RHOT1: variants seen among roughly 807,000 people sequenced by gnomAD.
The protein encoded by RHOT1 is mitochondrial Rho GTPase 1.
A neutral mutation model predicts 95.3 loss-of-function variants in RHOT1; 27 were observed. The observed-to-expected ratio is 0.28, with a 90% CI of 0.21 to 0.39. RHOT1 has a LOEUF of 0.39. Among genes scored for constraint, RHOT1 ranks in the 10% least tolerant of loss-of-function variants. The pLI is 1.00. For missense variants in RHOT1, 578 were observed against 786.7 expected (o/e 0.73, Z 3.17); for synonymous variants, 227 against 263.5 (o/e 0.86, Z 1.34).
chr17:32,144,699 A>G (rs1177250050), intron 1 of RHOT1, among the ~76,000 whole-genome samples: 5 of 150,878 alleles, frequency 3.3e-5, no homozygotes, highest in Admixed American at 6.6e-5. Flanking sequence ...AAATTTAAAT[A>G]TTAATGGCTG....
chr17:32,173,797 GTT>G, intron 2 of RHOT1, 32 bp from the exon 3 acceptor site: 9 of 1,084,770 alleles, frequency 8.3e-6, no homozygotes, highest in Admixed American at 2.3e-5. Flanking sequence ...ATTCAAAGGT[GTT>G]TTTTTTTTTC....
intron 19 of RHOT1, 127 bp downstream of exon 19, chr17:32,211,365 A>G (rs2038123511): frequency 2.6e-6 from 2 of 776,342 alleles, no homozygotes; most frequent in Non-Finnish European, 3.7e-6. Flanking sequence ...AACTTCCACT[A>G]AAATTCTCAC....
rs201968094 is a variant in RHOT1 at position 32,225,477 on chromosome 17, TAAAG to T, written c.*746_*749del. ...ATATTACCAATGTTTTTAGTTTAAA[TAAAG>T]AGTCACCCTTACTACTGTTGAATTT... On this transcript the variant is annotated 3_prime_UTR_variant, in exon 20 of 20. Coordinates refer to ENST00000545287, the MANE Select transcript of RHOT1 (RefSeq NM_001033566.3). 2,511 of 152,720 alleles carry T rather than the reference TAAAG, an allele frequency of 0.016. 26 individuals carry two copies. Among genetic ancestry groups the T allele is most frequent in the Non-Finnish European group, 0.026 (1,790 of 68,026 alleles). The allele number at this position is 152,720 out of a possible 1,614,324, so 9.5% of individuals were successfully genotyped here.
intron 19 of RHOT1, among the ~76,000 whole-genome samples, chr17:32,223,816 C>G (rs2038982040): frequency 6.6e-6 from 1 of 152,154 alleles, no homozygotes; most frequent in Non-Finnish European, 1.5e-5. Context: ...AGAGCTTTAT[C>G]CTCTTCATGG....
chr17:32,147,477 TAAAAA>T (rs148104917), intron 1 of RHOT1, among the ~76,000 whole-genome samples: 6,148 of 147,722 alleles, frequency 0.042, 413 homozygotes, highest in African/African-American at 0.14. Context: ...TTTTAACTAT[TAAAAA>T]AAAAAGCCAT....
intron 1 of RHOT1, chr17:32,150,914 C>T (rs1248179736): frequency 1.3e-6 from 2 of 1,547,360 alleles, no homozygotes; most frequent in Admixed American, 1.9e-5. Flanking sequence ...GAGGTGGGCA[C>T]ATTCTTCTTG....
rs369124723 is a variant in RHOT1 at position 32,204,036 on chromosome 17, GA to G, written c.1416+67del. On this transcript the variant is annotated intron_variant, in intron 16 of 19. Coordinates refer to ENST00000545287, the MANE Select transcript of RHOT1 (RefSeq NM_001033566.3). ...TGGGTACATTTTTAAATGACTCTTT[GA>G]AAACAAATTGGCTTCAATTGAATGA... is the stretch of plus-strand genomic sequence containing the variant. The G allele has an allele frequency of 1.7e-3, 1,954 of 1,155,030 alleles. 23 individuals carry two copies. The African/African-American group carries it at 0.026, about 16-fold the overall frequency. 71.5% of individuals were successfully genotyped at this position (1,155,030 alleles called of 1,614,324 possible).
chr17:32,168,856 G>T (rs1308627312), intron 1 of RHOT1, among the ~76,000 whole-genome samples: 1 of 152,060 alleles, frequency 6.6e-6, no homozygotes, highest in Non-Finnish European at 1.5e-5. Flanking sequence ...CTGGATCCCA[G>T]ATTCTTTATC....
Position 32,203,989 on chromosome 17 carries a change from G to A in RHOT1, c.1416+16G>A, listed in dbSNP as rs1424081147. ...ATACTTGTTGGTAAGAAATTCTGTG[G>A]CATACAAAAATTACTAATTATTGGG... On this transcript the variant is annotated intron_variant, in intron 16 of 19. Transcript: ENST00000545287. The A allele has an allele frequency of 1.3e-6, 2 of 1,568,950 alleles. No individual in the cohort carries two copies. Among genetic ancestry groups the A allele is most frequent in the East Asian group, 2.3e-5 (1 of 44,380 alleles).
intron 1 of RHOT1, among the ~76,000 whole-genome samples, chr17:32,157,737 G>A (rs1171506477): frequency 6.6e-6 from 1 of 151,996 alleles, no homozygotes; most frequent in Non-Finnish European, 1.5e-5. Flanking sequence ...AACCCAGGAG[G>A]TGGAGGTTGC....
At chr17:32,207,184 GTTC>G in intron 17 of RHOT1, 155 bp downstream of exon 17, 1 of 698,850 alleles carries the variant, frequency 1.4e-6, no homozygotes, top group African/African-American at 1.8e-5. Context: ...TTCTGGTTTT[GTTC>G]TAAAGTGGTA....
rs930822463 is a variant in RHOT1, at chr17:32,203,894, A to C, written c.1337A>C (p.Gln446Pro). ...QALLGRNLMR[Q>P]KKIREDHKSY... ...GATTTTCGGTTCTGTTTTCAGAGGCAGAAGAAAATTCGTGAAGATCATAAA... is the reference window on the plus strand; with the variant it reads ...GATTTTCGGTTCTGTTTTCAGAGGCCGAAGAAAATTCGTGAAGATCATAAA... The change falls in exon 16 of 20, where the codon CAG (glutamine) becomes CCG (proline). Residue 446 changes from glutamine to proline, a missense_variant. Physicochemically the swap from Gln to Pro is moderately conservative, Grantham distance 76. This residue lies in a region of RHOT1 where 296 missense variants were observed against 338.5 expected (regional missense o/e 0.87). Coordinates refer to ENST00000545287, the MANE Select transcript of RHOT1 (RefSeq NM_001033566.3). 1.9e-5 allele frequency: 31 copies of C among 1,612,394 alleles called. No homozygotes were observed. Among genetic ancestry groups the C allele is most frequent in the Non-Finnish European group, 2.6e-5 (31 of 1,178,846 alleles).
At chr17:32,161,863 TC>T (rs1427898204) in intron 1 of RHOT1, among the ~76,000 whole-genome samples, 1 of 152,088 alleles carries the variant, frequency 6.6e-6, no homozygotes, top group African/African-American at 2.4e-5. Flanking sequence ...GTCACAAAAC[TC>T]GGGAAAGTGC....
chr17:32,168,209 G>A (rs143065749), intron 1 of RHOT1, among the ~76,000 whole-genome samples: 281 of 151,824 alleles, frequency 1.9e-3, no homozygotes, highest in African/African-American at 6.1e-3. Context: ...GATTATTTTC[G>A]TGCCTGCTAA....
At chr17:32,145,988 C>T (rs28580721) in intron 1 of RHOT1, among the ~76,000 whole-genome samples, 1,998 of 151,510 alleles carry the variant, frequency 0.013, 42 homozygotes, top group African/African-American at 0.046. Context: ...TGCACTCCAG[C>T]CTGGTTGACA....
chr17:32,183,270 G>A lies in RHOT1; in HGVS notation c.538G>A (p.Glu180Lys), dbSNP rs1844074812. 1 of 1,445,320 alleles carries A rather than the reference G, an allele frequency of 6.9e-7. No individual in the cohort carries two copies. The highest frequency in any genetic ancestry group is 9.2e-7 in the Non-Finnish European group (1 of 1,090,080). 89.5% of individuals were successfully genotyped at this position (1,445,320 alleles called of 1,614,324 possible). A position where few individuals can be genotyped will look rare whatever the true frequency, so the allele number is the denominator to read the frequency against. The change falls in exon 8 of 20, where the codon GAG becomes AAG. Residue 180 changes from glutamate (E) to lysine (K), a missense_variant and splice_region_variant. By Grantham distance (56) the Glu-to-Lys change is moderately conservative. This residue lies in a region of RHOT1 where 227 missense variants were observed against 316.0 expected (regional missense o/e 0.72). Transcript: ENST00000545287. ...GCCCCTGTACTGCCCAGAGGAGAAGGAGGTAACAGGCTGTGTTTATAGGGG... is the reference window on the plus strand; with the variant it reads ...GCCCCTGTACTGCCCAGAGGAGAAGAAGGTAACAGGCTGTGTTTATAGGGG... ...TGPLYCPEEKEMKPACIKALT... is the reference protein window; with the variant it reads ...TGPLYCPEEKKMKPACIKALT...
chr17:32,211,731 G>T (rs1161951207), intron 19 of RHOT1, among the ~76,000 whole-genome samples: 1 of 152,076 alleles, frequency 6.6e-6, no homozygotes, highest in Non-Finnish European at 1.5e-5. Context: ...CTGCTTTTAA[G>T]TACCTGGAGT....
At chr17:32,204,069 G>C in intron 16 of RHOT1, 96 bp downstream of exon 16, 1 of 792,076 alleles carries the variant, frequency 1.3e-6, no homozygotes. Context: ...ATGACTCTCT[G>C]TAGAACTTCT....
intron 4 of RHOT1, 133 bp downstream of exon 4, chr17:32,175,495 ACT>A: frequency 2.2e-6 from 2 of 889,152 alleles, no homozygotes; most frequent in South Asian, 3.0e-5. Context: ...TCTGTCACCC[ACT>A]CTGTCACCCA....
Sources: allele counts gnomAD v4.1 joint callset (sites outside exome capture counted in the v4.1 genomes callset), GRCh38; gene constraint gnomAD v4.1.1; regional missense constraint gnomAD v4.1.1; transcripts MANE v1.5; gene names NCBI Gene and HGNC (gene_info 2026-07-23, HGNC 2026-07-21).